The following RARB variants were observed in gnomAD, a reference collection of about 807,000 sequenced individuals.
The protein encoded by RARB is HBV-activated protein.
RARB carries 17 observed loss-of-function variants against 51.9 expected under a neutral mutation model. The ratio of observed to expected loss-of-function variants is 0.33; its 90% CI spans 0.22 to 0.49. The LOEUF (loss-of-function observed/expected upper bound fraction) is 0.49, where lower values mean the gene tolerates loss of function less well. Ranked by LOEUF, RARB falls within the 20% of genes least tolerant of loss-of-function variation. The pLI is 0.99. For synonymous variants in RARB, 215 were observed against 195.4 expected (o/e 1.10, Z -0.84); for missense variants, 369 against 550.8 (o/e 0.67, Z 3.30).
At chr3:24,938,807 A>C (rs961321843) in intron 2 of RARB, among the ~76,000 whole-genome samples, 19 of 152,148 alleles carry the variant, frequency 1.2e-4, no homozygotes, top group Non-Finnish European at 2.8e-4. Context: ...ATATAAGTAG[A>C]ATCATACCAT....
chr3:24,930,536 C>A (rs1167785794), intron 2 of RARB, among the ~76,000 whole-genome samples: 2 of 152,100 alleles, frequency 1.3e-5, no homozygotes, highest in Non-Finnish European at 2.9e-5. Flanking sequence ...TTCCTTACCT[C>A]TCCTTCAACG....
At chr3:25,026,119 C>A (rs1191798066) in intron 2 of RARB, among the ~76,000 whole-genome samples, 1 of 152,042 alleles carries the variant, frequency 6.6e-6, no homozygotes, top group Non-Finnish European at 1.5e-5. Flanking sequence ...TTGATAAAAG[C>A]CGTGGGCCTT....
intron 2 of RARB, among the ~76,000 whole-genome samples, chr3:25,007,117 C>T (rs1222723577): frequency 6.6e-6 from 1 of 152,144 alleles, no homozygotes; most frequent in Non-Finnish European, 1.5e-5. Flanking sequence ...ATCTGCCAAA[C>T]CCAAAAGATA....
rs560567743 is a variant in RARB, at chr3:25,064,284, A to G, written c.-328+4108A>G. ...TCCATTTCAGTTGAAATATTATCTC[A>G]TAAATATACTTTGATACAAAAGAGA... is the stretch of plus-strand genomic sequence containing the variant. On this transcript the variant is annotated intron_variant, in intron 3 of 11. Transcript: ENST00000383772. Among the ~76,000 whole-genome samples the G allele has an allele frequency of 5.3e-5, 8 of 152,268 alleles. No homozygotes were observed. The Middle Eastern group carries it at 0.01, about 194-fold the overall frequency.
intron 1 of RARB, among the ~76,000 whole-genome samples, chr3:25,443,149 C>T (rs1478697432): frequency 6.6e-6 from 1 of 152,254 alleles, no homozygotes; most frequent in East Asian, 1.9e-4. Flanking sequence ...AAATTGAGAA[C>T]ATCTCAAGTG....
At chr3:25,261,080 C>A (rs185533958) in intron 5 of RARB, among the ~76,000 whole-genome samples, 58 of 152,116 alleles carry the variant, frequency 3.8e-4, no homozygotes, top group Middle Eastern at 3.4e-3. Context: ...ATGAGTTAAA[C>A]CTTTAAAAAC....
intron 4 of RARB, among the ~76,000 whole-genome samples, chr3:25,163,504 A>AAAAAAAAAAAAAATATATATATAT (rs1303712411): frequency 6.9e-5 from 9 of 131,116 alleles, no homozygotes; most frequent in African/African-American, 2.9e-4. Context: ...CCTATCTCAA[A>AAAAAAAAAAAAAATATATATATAT]ATATATATAT....
chr3:25,140,628 T>A (rs1016418055), intron 4 of RARB, among the ~76,000 whole-genome samples: 1 of 152,204 alleles, frequency 6.6e-6, no homozygotes, highest in African/African-American at 2.4e-5. Flanking sequence ...GAATATTCCA[T>A]AAACTTAGTT....
At chr3:25,168,203 A>T (rs1303111011) in intron 4 of RARB, among the ~76,000 whole-genome samples, 2 of 152,038 alleles carry the variant, frequency 1.3e-5, no homozygotes, top group African/African-American at 4.8e-5. Context: ...TGAAAAGGAC[A>T]TTTCTCTTTT....
At chr3:25,329,474 A>C (rs1393496470) in intron 5 of RARB, among the ~76,000 whole-genome samples, 2 of 152,196 alleles carry the variant, frequency 1.3e-5, no homozygotes, top group East Asian at 3.9e-4. Context: ...ACTAATAAAC[A>C]GAAAGGACAT....
chr3:25,197,995 A>G (rs563964157), intron 5 of RARB, among the ~76,000 whole-genome samples: 11 of 152,148 alleles, frequency 7.2e-5, no homozygotes, highest in African/African-American at 2.6e-4. Flanking sequence ...AGCATAAAGA[A>G]CAAAACTGGA....
intron 2 of RARB, among the ~76,000 whole-genome samples, chr3:24,951,849 C>T (rs1443000157): frequency 6.6e-6 from 1 of 152,116 alleles, no homozygotes; most frequent in African/African-American, 2.4e-5. Context: ...CAGGTAACAC[C>T]AGTAGGGATT....
intron 5 of RARB, among the ~76,000 whole-genome samples, chr3:25,325,550 G>A (rs943167360): frequency 4.0e-5 from 6 of 149,474 alleles, no homozygotes; most frequent in Admixed American, 3.3e-4. Context: ...TACCCCCCAG[G>A]CACTTCATTT....
intron 2 of RARB, among the ~76,000 whole-genome samples, chr3:24,970,212 C>T (rs1696365995): frequency 6.6e-6 from 1 of 152,202 alleles, no homozygotes; most frequent in African/African-American, 2.4e-5. Context: ...AGCTTACCCA[C>T]TGCTGATTTA....
intron 4 of RARB, among the ~76,000 whole-genome samples, chr3:25,150,186 G>GC (rs1157670329): frequency 7.2e-6 from 1 of 138,158 alleles, no homozygotes; most frequent in African/African-American, 2.7e-5. Flanking sequence ...GGATGACAGA[G>GC]CAAGGCTCTG....
chr3:25,442,503 A>G (rs1034599411), intron 1 of RARB, among the ~76,000 whole-genome samples: 2 of 152,172 alleles, frequency 1.3e-5, no homozygotes, highest in South Asian at 2.1e-4. Flanking sequence ...GTATTAAACA[A>G]TTCACTTCTA....
At chr3:25,382,455 G>A (rs1277585048) in intron 5 of RARB, among the ~76,000 whole-genome samples, 1 of 152,238 alleles carries the variant, frequency 6.6e-6, no homozygotes, top group African/African-American at 2.4e-5. Context: ...ATCCATGGGT[G>A]TGATATTTGT....
intron 1 of RARB, among the ~76,000 whole-genome samples, chr3:24,858,399 C>G (rs936532447): frequency 2.6e-5 from 4 of 152,196 alleles, no homozygotes; most frequent in Non-Finnish European, 5.9e-5. Flanking sequence ...AAGCCCACCC[C>G]TGAGCCCAGT....
intron 5 of RARB, among the ~76,000 whole-genome samples, chr3:25,369,163 A>C (rs1706224904): frequency 6.6e-6 from 1 of 152,202 alleles, no homozygotes; most frequent in South Asian, 2.1e-4. Context: ...CAGAGAACTC[A>C]AAAATACAGT....
Sources: gnomAD v4.1 joint callset for allele counts (sites outside exome capture counted in the v4.1 genomes callset) on GRCh38, gnomAD v4.1.1 for gene constraint, MANE v1.5 for transcripts, NCBI Gene and HGNC (gene_info 2026-07-23, HGNC 2026-07-21) for gene names.